MAP2K4: variants seen among roughly 807,000 people sequenced by gnomAD.
The protein encoded by MAP2K4 is dual specificity mitogen-activated protein kinase kinase 4.
MAP2K4 carries 4 observed loss-of-function variants against 48.5 expected under a neutral mutation model. That is an observed-to-expected ratio of 0.08 (90% confidence interval 0.04 to 0.19). MAP2K4 has a LOEUF of 0.19. Among genes scored for constraint, MAP2K4 ranks in the 10% least tolerant of loss-of-function variants. MAP2K4 has a pLI of 1.00. For synonymous variants in MAP2K4, 166 were observed against 173.1 expected (o/e 0.96, Z 0.32); for missense variants, 258 against 493.3 (o/e 0.52, Z 4.52).
At chr17:12,090,875 C>T (rs943882264) in intron 3 of MAP2K4, among the ~76,000 whole-genome samples, 2 of 152,106 alleles carry the variant, frequency 1.3e-5, no homozygotes, top group Admixed American at 6.5e-5. Context: ...TAGTTTTATT[C>T]GTTCCTCTTG....
intron 1 of MAP2K4, among the ~76,000 whole-genome samples, chr17:12,041,185 A>G (rs898668320): frequency 1.3e-5 from 2 of 152,242 alleles, no homozygotes; most frequent in African/African-American, 2.4e-5. Context: ...TGTGTCCACT[A>G]GGAAATAAAA....
At position 12,137,438 on chromosome 17, in the gene MAP2K4, T is replaced by C. The variant is rs117268858; in HGVS notation, c.1041-2401T>C. The stretch of plus-strand genomic sequence containing the variant: ...AATTAAAACTGAGGAAGAAATAAAG[T>C]GGTTGGAAATAGAAGTCTTGGAAAT... On this transcript the variant is annotated intron_variant, in intron 9 of 10. Coordinates refer to ENST00000353533, the MANE Select transcript of MAP2K4 (RefSeq NM_003010.4). Among the ~76,000 whole-genome samples, 951 of 152,076 alleles carry C rather than the reference T, an allele frequency of 6.3e-3. 2 individuals carry two copies. Among genetic ancestry groups the C allele is most frequent in the East Asian group, 0.036 (188 of 5,172 alleles).
chr17:12,041,826 G>A (rs901411781), intron 1 of MAP2K4, among the ~76,000 whole-genome samples: 3 of 152,118 alleles, frequency 2.0e-5, no homozygotes, highest in Non-Finnish European at 4.4e-5. Flanking sequence ...GTGCTGTTAC[G>A]AAAAGAACTG....
At chr17:12,030,111 C>G (rs1233674124) in intron 1 of MAP2K4, among the ~76,000 whole-genome samples, 1 of 152,066 alleles carries the variant, frequency 6.6e-6, no homozygotes, top group Non-Finnish European at 1.5e-5. Context: ...TGAGTATGAG[C>G]TAGTGGAGCT....
chr17:12,118,457 G>C (rs1972572856), intron 7 of MAP2K4, among the ~76,000 whole-genome samples: 1 of 152,064 alleles, frequency 6.6e-6, no homozygotes, highest in Non-Finnish European at 1.5e-5. Flanking sequence ...GATCACTCGG[G>C]ATACCTTTTC....
intron 4 of MAP2K4, among the ~76,000 whole-genome samples, chr17:12,104,082 T>A (rs963412098): frequency 6.6e-6 from 1 of 152,158 alleles, no homozygotes; most frequent in African/African-American, 2.4e-5. Context: ...CCAACTGGAG[T>A]ACCGACTTAA....
At chr17:12,100,101 T>C (rs117382441) in intron 4 of MAP2K4, among the ~76,000 whole-genome samples, 9 of 152,304 alleles carry the variant, frequency 5.9e-5, no homozygotes, top group African/African-American at 9.6e-5. Flanking sequence ...TTCCCACATG[T>C]AAAGTGTACA....
intron 4 of MAP2K4, 69 bp downstream of exon 4, chr17:12,095,763 G>A (rs373827015): frequency 5.2e-5 from 80 of 1,523,978 alleles, no homozygotes; most frequent in African/African-American, 9.6e-5. Flanking sequence ...GGCAGGATTC[G>A]ATTCTATTCT....
At chr17:12,106,494 G>A (rs1439653958) in intron 4 of MAP2K4, among the ~76,000 whole-genome samples, 1 of 152,122 alleles carries the variant, frequency 6.6e-6, no homozygotes, top group Non-Finnish European at 1.5e-5. Flanking sequence ...ACACATTAGG[G>A]ACAGTGGATT....
At chr17:12,046,346 GATAAGCTTT>G (rs1969963543) in intron 1 of MAP2K4, among the ~76,000 whole-genome samples, 7 of 152,112 alleles carry the variant, frequency 4.6e-5, no homozygotes, top group Admixed American at 4.6e-4. Context: ...GGTTATTTCG[GATAAGCTTT>G]TTATATTTTG....
intron 4 of MAP2K4, among the ~76,000 whole-genome samples, chr17:12,107,133 G>A (rs1019276837): frequency 2.6e-5 from 4 of 152,126 alleles, no homozygotes; most frequent in African/African-American, 7.2e-5. Flanking sequence ...CATTTAACAA[G>A]TATTTATTGA....
At chr17:12,046,937 T>G (rs1035241152) in intron 1 of MAP2K4, among the ~76,000 whole-genome samples, 1 of 152,102 alleles carries the variant, frequency 6.6e-6, no homozygotes, top group Non-Finnish European at 1.5e-5. Flanking sequence ...ACTCCATACA[T>G]AGTAAGAGGT....
At chr17:12,047,396 A>C (rs1320656156) in intron 1 of MAP2K4, among the ~76,000 whole-genome samples, 2 of 152,140 alleles carry the variant, frequency 1.3e-5, no homozygotes, top group African/African-American at 4.8e-5. Context: ...CCCTATGGGG[A>C]AGGTAATATT....
intron 7 of MAP2K4, chr17:12,124,638 C>A (rs1972795101): frequency 6.6e-6 from 1 of 151,374 alleles, no homozygotes; most frequent in Non-Finnish European, 1.5e-5. Context: ...CACTCGTTGC[C>A]CCAAATTTGA....
intron 2 of MAP2K4, among the ~76,000 whole-genome samples, chr17:12,069,055 A>T (rs1426672150): frequency 6.6e-6 from 1 of 152,178 alleles, no homozygotes; most frequent in Admixed American, 6.5e-5. Flanking sequence ...GATAATTAGG[A>T]AGCAAACTGG....
chr17:12,115,385 G>A (rs929188507), intron 7 of MAP2K4, among the ~76,000 whole-genome samples: 1 of 152,130 alleles, frequency 6.6e-6, no homozygotes, highest in East Asian at 1.9e-4. Flanking sequence ...TAGGCTATAT[G>A]GTACAGCCTG....
chr17:12,048,593 A>T (rs951074361), intron 1 of MAP2K4, among the ~76,000 whole-genome samples: 30 of 152,158 alleles, frequency 2.0e-4, no homozygotes, highest in African/African-American at 7.2e-4. Context: ...CTCACTTAAT[A>T]CATGGATATA....
chr17:12,123,356 TC>T (rs2151585928), intron 7 of MAP2K4, among the ~76,000 whole-genome samples: 1 of 152,338 alleles, frequency 6.6e-6, no homozygotes, highest in South Asian at 2.1e-4. Flanking sequence ...TATTTCTGTT[TC>T]ATCTATTTCT....
intron 1 of MAP2K4, among the ~76,000 whole-genome samples, chr17:12,035,431 C>T (rs1451717174): frequency 2.6e-5 from 4 of 152,180 alleles, no homozygotes; most frequent in Non-Finnish European, 5.9e-5. Flanking sequence ...GCAGGAGAAT[C>T]GCTGAACCTG....
Sources: allele counts gnomAD v4.1 joint callset (sites outside exome capture counted in the v4.1 genomes callset), GRCh38; gene constraint gnomAD v4.1.1; transcripts MANE v1.5; gene names NCBI Gene and HGNC (gene_info 2026-07-23, HGNC 2026-07-21).